The following SEPTIN12 variants were observed in gnomAD, a reference collection of about 807,000 sequenced individuals.
The protein encoded by SEPTIN12 is septin 12.
Under a neutral mutation model 37.7 loss-of-function variants are expected in SEPTIN12, and 42 were observed. The ratio of observed to expected loss-of-function variants is 1.11; its 90% CI spans 0.87 to 1.44. The LOEUF is 1.44. Ranked by LOEUF, SEPTIN12 falls within the 40% of genes most tolerant of loss-of-function variation. The probability of loss-of-function intolerance (pLI) is 0.00; values close to 1 mark genes in which losing one functional copy is unlikely to be tolerated. For missense variants in SEPTIN12, 613 were observed against 479.2 expected (o/e 1.28, Z -2.61); for synonymous variants, 254 against 196.7 (o/e 1.29, Z -2.44).
Position 4,781,070 on chromosome 16 carries a change from C to T in SEPTIN12, c.727-1284G>A, listed in dbSNP as rs556972443. Among the ~76,000 whole-genome samples, 17 of 152,038 alleles carry T rather than the reference C, an allele frequency of 1.1e-4. No homozygotes were observed. In the South Asian group the frequency reaches 2.3e-3, roughly 20 times the overall value. Reference sequence around the variant, plus strand: ...GGTCAGGAGATCGAGATCACCCTGGCTGAAATAGTGAAACCCCATCTCTAC... The same window carrying T: ...GGTCAGGAGATCGAGATCACCCTGGTTGAAATAGTGAAACCCCATCTCTAC... On this transcript the variant is annotated intron_variant, in intron 7 of 9. Coordinates refer to ENST00000268231, the MANE Select transcript of SEPTIN12 (RefSeq NM_144605.5).
intron 4 of SEPTIN12, 118 bp from the exon 5 acceptor site, chr16:4,784,186 C>G: frequency 8.0e-7 from 1 of 1,243,842 alleles, no homozygotes; most frequent in Non-Finnish European, 1.1e-6. Context: ...CCGGTTGGCC[C>G]GGGACCTGTG....
rs2082484165 is a variant in SEPTIN12 at position 4,787,829 on chromosome 16, AAGGGTGCCTGTGGGGAGCTGTTTCTGC to A, written c.-22-189_-22-163del. 5.1e-6 allele frequency: 3 copies of A among 586,244 alleles called. No homozygotes were observed. In the Admixed American group the frequency reaches 9.1e-5, roughly 18 times the overall value. The allele number at this position is 586,244 out of a possible 1,614,324, so 36.3% of individuals were successfully genotyped here. ...GTGCCTGTAGTCCCAGGGGTGTGGC[AAGGGTGCCTGTGGGGAGCTGTTTCTGC>A]AGGGTGCCTCAACACCCATCCAGAG... On this transcript the variant is annotated intron_variant, in intron 1 of 9. Coordinates refer to ENST00000268231, the MANE Select transcript of SEPTIN12 (RefSeq NM_144605.5).
At chr16:4,784,888 T>C (rs1020437202) in intron 4 of SEPTIN12, among the ~76,000 whole-genome samples, 19 of 152,080 alleles carry the variant, frequency 1.2e-4, no homozygotes, top group African/African-American at 4.6e-4. Context: ...AGCAAGTGGA[T>C]CACCTGAGGT....
rs2082335336 is a variant in SEPTIN12, at chr16:4,778,229, C to T, written c.824-92G>A. The T allele has an allele frequency of 1.5e-6, 2 of 1,320,190 alleles. 1 individual carries two copies. The highest frequency in any genetic ancestry group is 2.4e-5 in the South Asian group (2 of 83,374). The allele number at this position is 1,320,190 out of a possible 1,614,324, so 81.8% of individuals were successfully genotyped here. ...CCACCTGACACCATTTCCCTTAGCCCTTTTCCCACATTTCTCTTTACCCTA... is the reference window on the plus strand; with the variant it reads ...CCACCTGACACCATTTCCCTTAGCCTTTTTCCCACATTTCTCTTTACCCTA... On this transcript the variant is annotated intron_variant, in intron 8 of 9. Transcript: ENST00000268231.
In SEPTIN12 at chr16:4,785,820, T is replaced by G; in HGVS notation, c.361A>C (p.Asn121His). The change falls in exon 4 of 10, where the codon AAC becomes CAC. Residue 121 changes from asparagine (N) to histidine (H), a missense_variant. By Grantham distance (68) the Asn-to-His change is moderately conservative. Coordinates refer to ENST00000268231, the MANE Select transcript of SEPTIN12 (RefSeq NM_144605.5). ...GAGAGAACCTACCAGTTGTCATTGT[T>G]GATCTGGTCCCCGAAGCCGGGCGTG... ...TDTPGFGDQINNDNCWDPILG... is the reference protein window; with the variant it reads ...TDTPGFGDQIHNDNCWDPILG... 1 of 1,611,178 alleles carries G rather than the reference T, an allele frequency of 6.2e-7. No homozygotes were observed. Among genetic ancestry groups the G allele is most frequent in the African/African-American group, 1.3e-5 (1 of 74,634 alleles).
chr16:4,779,882 C>G, intron 7 of SEPTIN12, 96 bp from the exon 8 acceptor site: 2 of 786,926 alleles, frequency 2.5e-6, no homozygotes, highest in Admixed American at 2.1e-5. Flanking sequence ...GGAGTCCTAT[C>G]CTTTTCGAGG....
At chr16:4,780,356 G>A (rs1367622755) in intron 7 of SEPTIN12, among the ~76,000 whole-genome samples, 3 of 151,976 alleles carry the variant, frequency 2.0e-5, no homozygotes, top group Admixed American at 2.0e-4. Context: ...CCAAAGTGGT[G>A]GGATTATAGG....
intron 4 of SEPTIN12, among the ~76,000 whole-genome samples, chr16:4,784,562 G>T (rs2082412803): frequency 6.6e-6 from 1 of 152,036 alleles, no homozygotes; most frequent in Non-Finnish European, 1.5e-5. Context: ...TCGAGCCCAG[G>T]AATTCGAGGC....
intron 8 of SEPTIN12, among the ~76,000 whole-genome samples, chr16:4,778,463 C>T (rs1054367103): frequency 3.3e-5 from 5 of 152,190 alleles, no homozygotes; most frequent in Admixed American, 6.5e-5. Flanking sequence ...GTCCTGGAAC[C>T]ACCCTCTGCG....
intron 7 of SEPTIN12, among the ~76,000 whole-genome samples, chr16:4,782,325 C>T (rs1055342358): frequency 1.3e-5 from 2 of 152,164 alleles, no homozygotes; most frequent in African/African-American, 4.8e-5. Flanking sequence ...GGGAATAGGC[C>T]GCACTGTGTT....
At chr16:4,783,222 A>G in intron 7 of SEPTIN12, 1 of 535,850 alleles carries the variant, frequency 1.9e-6, no homozygotes, top group South Asian at 2.0e-5. Flanking sequence ...TGTTCTCTAT[A>G]TATTCAGGAT....
chr16:4,784,032 G>A lies in SEPTIN12; in HGVS notation c.411C>T (p.Tyr137=), dbSNP rs78006978. 1.1e-4 allele frequency: 171 copies of A among 1,614,148 alleles called. 2 individuals carry two copies. The South Asian group carries it at 1.6e-3, about 15-fold the overall frequency. Residue 137 remains tyrosine, a synonymous_variant, in exon 5 of 10, where the codon TAC becomes TAT. Coordinates refer to ENST00000268231, the MANE Select transcript of SEPTIN12 (RefSeq NM_144605.5). ...GGATCTCCTCCTGCAGGTACTGCTC[G>A]TATTGCTCGTTGATGTAGCCCAGGA... ...DPILGYINEQ[Y]EQYLQEEILI... is the part of the protein sequence containing the mutation.
chr16:4,787,744 C>G (rs934157029), intron 1 of SEPTIN12, 77 bp from the exon 2 acceptor site: 47 of 650,768 alleles, frequency 7.2e-5, no homozygotes, highest in Non-Finnish European at 1.8e-5. Context: ...ATCTGAACCC[C>G]TATTTGAGCT....
intron 8 of SEPTIN12, among the ~76,000 whole-genome samples, chr16:4,779,308 G>A (rs2082347271): frequency 6.6e-6 from 1 of 152,096 alleles, no homozygotes; most frequent in African/African-American, 2.4e-5. Flanking sequence ...TGGGGACAGG[G>A]ACCCTGTCAG....
At chr16:4,779,858 C>A in intron 7 of SEPTIN12, 72 bp from the exon 8 acceptor site, 1 of 1,015,024 alleles carries the variant, frequency 9.9e-7, no homozygotes, top group Non-Finnish European at 1.6e-6. Flanking sequence ...GTCAAGGCAC[C>A]CAGGCAGGAG....
At chr16:4,788,751 T>C (rs968748612), upstream of SEPTIN12, 4 of 152,206 alleles carry the variant, frequency 2.6e-5, no homozygotes, top group African/African-American at 9.7e-5. Context: ...GTTAACTTGT[T>C]TAATAATCAA....
Position 4,778,153 on chromosome 16 carries a change from C to T in SEPTIN12, c.824-16G>A. The T allele has an allele frequency of 6.2e-7, 1 of 1,614,114 alleles. No individual in the cohort carries two copies. The highest frequency in any genetic ancestry group is 8.5e-7 in the Non-Finnish European group (1 of 1,179,960). ...ATGTTCTCCACTGCAAGACATGGGA[C>T]TCAGTATGGGCGCTGCTTAGTGAGC... is the stretch of plus-strand genomic sequence containing the variant. On this transcript the variant is annotated splice_polypyrimidine_tract_variant and intron_variant, in intron 8 of 9. Transcript: ENST00000268231.
intron 4 of SEPTIN12, 79 bp from the exon 5 acceptor site, chr16:4,784,147 G>A: frequency 3.8e-6 from 6 of 1,561,992 alleles, no homozygotes; most frequent in East Asian, 2.3e-5. Flanking sequence ...TGTCCTCTGG[G>A]CGGTCCTCCC....
Position 4,779,787 on chromosome 16 carries a change from C to G in SEPTIN12, c.727-1G>C. On this transcript the variant is annotated splice_acceptor_variant, in intron 7 of 9. Coordinates refer to ENST00000268231, the MANE Select transcript of SEPTIN12 (RefSeq NM_144605.5). LOFTEE classifies it high-confidence loss of function. ...CTACCACGGCAAAAGGGATTCGGTC[C>G]TGGGAAAGGAGAAGACACAGAGATG... 1 of 1,605,552 alleles carries G rather than the reference C, an allele frequency of 6.2e-7. No homozygotes were observed.
Sources: gnomAD v4.1 joint callset for allele counts (sites outside exome capture counted in the v4.1 genomes callset) on GRCh38, gnomAD v4.1.1 for gene constraint, MANE v1.5 for transcripts, NCBI Gene and HGNC (gene_info 2026-07-23, HGNC 2026-07-21) for gene names.